XPO6: variants seen among roughly 807,000 people sequenced by gnomAD.
The protein encoded by XPO6 is exportin 6, also known as exportin-6.
XPO6 carries 3 observed loss-of-function variants against 130.0 expected under a neutral mutation model. The observed-to-expected ratio is 0.02, with a 90% confidence interval of 0.01 to 0.06. The LOEUF (loss-of-function observed/expected upper bound fraction) is 0.06. Ranked by LOEUF, XPO6 falls within the 10% of genes least tolerant of loss-of-function variation. The pLI, the probability that XPO6 is intolerant of heterozygous loss-of-function variation, is 1.00. For missense variants in XPO6, 970 were observed against 1,393.0 expected (o/e 0.70, Z 4.83); for synonymous variants, 524 against 548.9 (o/e 0.95, Z 0.63).
chr16:28,202,821 T>C (rs2043973007), intron 1 of XPO6, among the ~76,000 whole-genome samples: 2 of 152,158 alleles, frequency 1.3e-5, no homozygotes, highest in African/African-American at 4.8e-5. Context: ...ATACCATGGA[T>C]GCCACGGGAG....
At chr16:28,156,007 A>G in intron 7 of XPO6, 67 bp downstream of exon 7, 1 of 1,528,052 alleles carries the variant, frequency 6.5e-7, no homozygotes, top group Non-Finnish European at 8.8e-7. Flanking sequence ...GATGCCATGC[A>G]GCACAGCATG....
At chr16:28,207,138 C>T (rs567490989) in intron 1 of XPO6, among the ~76,000 whole-genome samples, 1 of 151,946 alleles carries the variant, frequency 6.6e-6, no homozygotes, top group Admixed American at 6.6e-5. Context: ...ATCTCAGCTA[C>T]TCAGGAGGCT....
At chr16:28,171,966 T>C (rs1014520475) in intron 4 of XPO6, among the ~76,000 whole-genome samples, 2 of 152,098 alleles carry the variant, frequency 1.3e-5, no homozygotes, top group Non-Finnish European at 1.5e-5. Flanking sequence ...ATCCTTACTC[T>C]CTCAGCTGGA....
In XPO6 at chr16:28,107,654, G is replaced by A; in HGVS notation, c.2365C>T (p.Leu789Phe). Residue 789 changes from leucine to phenylalanine, a missense_variant, in exon 18 of 24, where the codon CTC becomes TTC. Physicochemically the swap from Leu to Phe is conservative, Grantham distance 22. Coordinates refer to ENST00000304658, the MANE Select transcript of XPO6 (RefSeq NM_015171.4). ...TCCACAATATCTTCTAAGACGCTGA[G>A]TGTCTGGTGGATAATCAGTTTGGCT... ...DDTKLIIHQTLSVLEDIVENI... is the reference protein window; with the variant it reads ...DDTKLIIHQTFSVLEDIVENI... 1 of 1,614,092 alleles carries A rather than the reference G, an allele frequency of 6.2e-7. No individual in the cohort carries two copies. The highest frequency in any genetic ancestry group is 8.5e-7 in the Non-Finnish European group (1 of 1,180,038).
chr16:28,125,090 G>C (rs186349610), intron 13 of XPO6, among the ~76,000 whole-genome samples: 1 of 152,180 alleles, frequency 6.6e-6, no homozygotes, highest in Non-Finnish European at 1.5e-5. Context: ...TGTAAACCTG[G>C]TGTGAGACCC....
chr16:28,180,953 T>C lies in XPO6; in HGVS notation c.82A>G (p.Lys28Glu). 6.2e-7 allele frequency: 1 copy of C among 1,613,352 alleles called. No individual in the cohort carries two copies. Among genetic ancestry groups the C allele is most frequent in the Non-Finnish European group, 8.5e-7 (1 of 1,179,708 alleles). ...ATGCTCCACTTACCTATCTCACGTT[T>C]TCTTTCATTGGTTGTACAATCGTGA... ...FFHDCTTNER[K>E]REIEELLNNF... Residue 28 changes from lysine (K) to glutamate (E), a missense_variant, in exon 2 of 24, where the codon AAA becomes GAA. By Grantham distance (56) the Lys-to-Glu change is moderately conservative (BLOSUM62 1). Coordinates refer to ENST00000304658, the MANE Select transcript of XPO6 (RefSeq NM_015171.4).
chr16:28,153,221 C>T, intron 7 of XPO6: 1 of 994,076 alleles, frequency 1.0e-6, no homozygotes, highest in Non-Finnish European at 1.2e-6. Flanking sequence ...CTACGAAGGG[C>T]ATGGCATCCA....
chr16:28,122,655 T>C (rs1596817519), intron 13 of XPO6, among the ~76,000 whole-genome samples: 6 of 152,174 alleles, frequency 3.9e-5, no homozygotes, highest in Non-Finnish European at 7.4e-5. Flanking sequence ...AAAAAAAAAC[T>C]GCTCTTTTGG....
chr16:28,100,545 G>A (rs1490166950), intron 23 of XPO6, among the ~76,000 whole-genome samples: 1 of 152,264 alleles, frequency 6.6e-6, no homozygotes, highest in African/African-American at 2.4e-5. Context: ...CAGGCGGCCA[G>A]GTTTGCACCA....
intron 4 of XPO6, among the ~76,000 whole-genome samples, chr16:28,172,219 T>C (rs979679962): frequency 1.3e-5 from 2 of 152,254 alleles, no homozygotes; most frequent in African/African-American, 4.8e-5. Flanking sequence ...ATTAGCTTTG[T>C]ACCCAGGAAG....
chr16:28,189,107 A>C (rs1324168666), intron 1 of XPO6, among the ~76,000 whole-genome samples: 2 of 151,602 alleles, frequency 1.3e-5, no homozygotes, highest in East Asian at 3.9e-4. Flanking sequence ...CACCACATCC[A>C]GCTGATTTTT....
rs115118823 is a variant in XPO6, at chr16:28,132,849, G to A, written c.1537-446C>T. On this transcript the variant is annotated intron_variant, in intron 11 of 23. Transcript: ENST00000304658. This position sits in a 1 kb window ranked among gnomAD's most constrained non-coding sequence, Gnocchi z 4.0. Reference sequence around the variant, plus strand: ...AGCACATGGTAAAGTGATAAGATTGGCCAAATTATTTGGAAGTCAGTTCCC... The same window carrying A: ...AGCACATGGTAAAGTGATAAGATTGACCAAATTATTTGGAAGTCAGTTCCC... 1.3e-5 allele frequency among the ~76,000 whole-genome samples: 2 copies of A among 152,218 alleles called. No homozygotes were observed. The highest frequency in any genetic ancestry group is 4.8e-5 in the African/African-American group (2 of 41,510).
intron 13 of XPO6, among the ~76,000 whole-genome samples, chr16:28,124,631 T>C (rs1198203577): frequency 6.6e-6 from 1 of 152,168 alleles, no homozygotes; most frequent in Non-Finnish European, 1.5e-5. Flanking sequence ...TGAGCCACAA[T>C]GTACTTACTC....
At chr16:28,119,092 A>G (rs28887606) in intron 14 of XPO6, among the ~76,000 whole-genome samples, 1 of 152,204 alleles carries the variant, frequency 6.6e-6, no homozygotes, top group African/African-American at 2.4e-5. Flanking sequence ...CATAGCTCAC[A>G]GCAGCCTCCA....
intron 14 of XPO6, among the ~76,000 whole-genome samples, chr16:28,117,782 T>C (rs1032643746): frequency 2.0e-5 from 3 of 152,234 alleles, no homozygotes; most frequent in African/African-American, 7.2e-5. Context: ...AGTGATCATG[T>C]GTTGACTTCA....
chr16:28,166,940 C>T (rs2043366464), intron 5 of XPO6: 1 of 645,466 alleles, frequency 1.5e-6, no homozygotes, highest in Admixed American at 6.3e-5. Context: ...GAGCTGGTAG[C>T]ACCACTCTTT....
chr16:28,148,641 T>C (rs892018240), intron 8 of XPO6, among the ~76,000 whole-genome samples: 7 of 152,160 alleles, frequency 4.6e-5, no homozygotes, highest in Admixed American at 1.3e-4. Flanking sequence ...TGAACAAATA[T>C]TTTGCATCTT....
chr16:28,144,914 G>A (rs1049407648), intron 9 of XPO6, among the ~76,000 whole-genome samples: 1 of 152,144 alleles, frequency 6.6e-6, no homozygotes, highest in African/African-American at 2.4e-5. Flanking sequence ...ATAGGTCTGT[G>A]CGATTCCCCG....
chr16:28,139,310 T>A (rs1446035079), intron 9 of XPO6, among the ~76,000 whole-genome samples: 1 of 152,146 alleles, frequency 6.6e-6, no homozygotes. Context: ...AGAAACAGAA[T>A]CTGCCAGCAT....
Sources: allele counts gnomAD v4.1 joint callset (sites outside exome capture counted in the v4.1 genomes callset), GRCh38; gene constraint gnomAD v4.1.1; non-coding constraint Gnocchi (gnomAD v3.1); transcripts MANE v1.5; gene names NCBI Gene and HGNC (gene_info 2026-07-23, HGNC 2026-07-21).